Variants in PPP1R42 observed in about 807,000 individuals in gnomAD.
PPP1R42 encodes protein phosphatase 1 regulatory subunit 42.
Under a neutral mutation model 31.0 loss-of-function variants are expected in PPP1R42, and 34 were observed. The observed-to-expected ratio is 1.10, with a 90% confidence interval of 0.83 to 1.46. PPP1R42 has a LOEUF of 1.46. PPP1R42 is among the 40% of genes most tolerant of loss of function. The pLI is 0.00. For missense variants in PPP1R42, 268 were observed against 303.0 expected (o/e 0.88, Z 0.86); for synonymous variants, 103 against 109.8 (o/e 0.94, Z 0.39).
intron 2 of PPP1R42, among the ~76,000 whole-genome samples, chr8:67,016,356 C>T (rs553924333): frequency 5.9e-5 from 9 of 152,108 alleles, no homozygotes; most frequent in Admixed American, 2.0e-4. Flanking sequence ...CCTGTGTTTC[C>T]AAGAAAATTT....
At position 66,969,712 on chromosome 8, in the gene PPP1R42, T is replaced by C. The variant is rs552148898; in HGVS notation, c.803-5378A>G. ...TCGATGGGACCCTTCGAAGAGGGTG[T>C]CATGATAAGCCCACTTGACCTTCAG... On this transcript the variant is annotated intron_variant, in intron 7 of 7. Coordinates refer to ENST00000685739, the MANE Select transcript of PPP1R42 (RefSeq NM_001364910.1). Among the ~76,000 whole-genome samples, 17 of 152,248 alleles carry C rather than the reference T, an allele frequency of 1.1e-4. No homozygotes were observed. The East Asian group carries it at 2.9e-3, about 26-fold the overall frequency.
At chr8:66,972,451 A>G (rs1034237202) in intron 7 of PPP1R42, among the ~76,000 whole-genome samples, 7 of 152,078 alleles carry the variant, frequency 4.6e-5, no homozygotes, top group Admixed American at 4.6e-4. Flanking sequence ...ATGCAGTGGC[A>G]CAATCTCGGC....
intron 1 of PPP1R42, among the ~76,000 whole-genome samples, chr8:67,019,844 C>T (rs1816155619): frequency 3.3e-5 from 5 of 151,262 alleles, no homozygotes; most frequent in East Asian, 2.0e-4. Flanking sequence ...GCCGAGATCA[C>T]GCCACTGCAC....
At chr8:67,012,440 T>C (rs1815869880) in intron 4 of PPP1R42, among the ~76,000 whole-genome samples, 1 of 152,138 alleles carries the variant, frequency 6.6e-6, no homozygotes. Flanking sequence ...GGCGACACAG[T>C]TGGGGCCCCA....
At chr8:67,017,503 A>G (rs982746987) in intron 2 of PPP1R42, 116 bp downstream of exon 2, 1 of 562,146 alleles carries the variant, frequency 1.8e-6, no homozygotes, top group African/African-American at 2.0e-5. Context: ...ATCTCAAAAA[A>G]AAAAGTTAAT....
At chr8:66,999,324 G>A (rs774997076) in intron 5 of PPP1R42, among the ~76,000 whole-genome samples, 16 of 152,120 alleles carry the variant, frequency 1.1e-4, no homozygotes, top group Non-Finnish European at 1.9e-4. Context: ...GGGTTCAAGA[G>A]ATTCTCCTGC....
At chr8:66,974,145 T>C (rs185680097) in intron 7 of PPP1R42, among the ~76,000 whole-genome samples, 124 of 152,314 alleles carry the variant, frequency 8.1e-4, no homozygotes, top group Middle Eastern at 6.8e-3. Context: ...TATTTTTAAC[T>C]TTTTGAGGAA....
At chr8:67,012,900 T>C (rs1048417760) in intron 4 of PPP1R42, 58 bp downstream of exon 4, 1 of 1,476,022 alleles carries the variant, frequency 6.8e-7, no homozygotes, top group Admixed American at 2.3e-5. Flanking sequence ...ACATTCCTGT[T>C]TCATTATAAC....
rs1406991552 is a variant in PPP1R42, at chr8:66,985,764, C to T, written c.670+2636G>A. 4 of 1,251,498 alleles carry T rather than the reference C, an allele frequency of 3.2e-6. No individual in the cohort carries two copies. The Admixed American group carries it at 5.1e-5, about 16-fold the overall frequency. 77.5% of individuals were successfully genotyped at this position (1,251,498 alleles called of 1,614,324 possible). On this transcript the variant is annotated intron_variant, in intron 6 of 7. Coordinates refer to ENST00000685739, the MANE Select transcript of PPP1R42 (RefSeq NM_001364910.1). ...TAATGAAGCACAGCTGTTTTTTCCT[C>T]TCCTGGATTTGCCATTTTGCTGCGT...
intron 5 of PPP1R42, among the ~76,000 whole-genome samples, chr8:66,992,154 T>C (rs1209860649): frequency 3.3e-5 from 5 of 152,200 alleles, no homozygotes; most frequent in African/African-American, 9.7e-5. Flanking sequence ...TTTGTGATTC[T>C]ACGTTCTTGC....
At chr8:67,021,115 A>T (rs1006360854) in intron 1 of PPP1R42, 2 of 152,236 alleles carry the variant, frequency 1.3e-5, no homozygotes, top group African/African-American at 4.8e-5. Flanking sequence ...GTTTAAAATT[A>T]AACATTATTC....
At chr8:66,993,597 T>G (rs1815251885) in intron 5 of PPP1R42, among the ~76,000 whole-genome samples, 1 of 152,232 alleles carries the variant, frequency 6.6e-6, no homozygotes, top group Non-Finnish European at 1.5e-5. Context: ...TTTAGTGACC[T>G]CTCTAACTAG....
At chr8:66,986,170 A>T in intron 6 of PPP1R42, 1 of 616,488 alleles carries the variant, frequency 1.6e-6, no homozygotes, top group South Asian at 1.6e-5. Flanking sequence ...CACGCTTTTC[A>T]CTGTCTTCTC....
chr8:66,977,037 CT>C lies in PPP1R42; in HGVS notation c.802+5011del, dbSNP rs758342244. The stretch of plus-strand genomic sequence containing the variant: ...ATTTGTAGGTTTTTGTTTTGTTTTG[CT>C]TTTTTTTTTTTTTTAGACGTAGTCT... On this transcript the variant is annotated intron_variant, in intron 7 of 7. Transcript: ENST00000685739. Among the ~76,000 whole-genome samples the C allele has an allele frequency of 6.9e-3, 914 of 132,706 alleles. 8 individuals are homozygous for C. Among genetic ancestry groups the C allele is most frequent in the African/African-American group, 9.7e-3 (353 of 36,398 alleles). 87.1% of individuals were successfully genotyped at this position (132,706 alleles called of 152,430 possible). A position where few individuals can be genotyped will look rare whatever the true frequency, so the allele number is the denominator to read the frequency against.
At chr8:67,007,153 C>T (rs1184569931) in intron 5 of PPP1R42, among the ~76,000 whole-genome samples, 2 of 151,896 alleles carry the variant, frequency 1.3e-5, no homozygotes, top group Non-Finnish European at 2.9e-5. Flanking sequence ...GCAGGGATTA[C>T]AGGCGTGAGC....
intron 7 of PPP1R42, among the ~76,000 whole-genome samples, chr8:66,974,049 G>A (rs1289083434): frequency 1.3e-5 from 2 of 152,180 alleles, no homozygotes; most frequent in Non-Finnish European, 2.9e-5. Context: ...AATGAACATA[G>A]GAGTACTGAT....
chr8:66,986,614 A>G (rs979159601), intron 6 of PPP1R42, among the ~76,000 whole-genome samples: 5 of 152,326 alleles, frequency 3.3e-5, no homozygotes, highest in Middle Eastern at 3.4e-3. Context: ...CGTTTCCGTG[A>G]ACAAGTTGCT....
intron 7 of PPP1R42, 142 bp from the exon 8 acceptor site, chr8:66,964,476 G>A: frequency 3.3e-6 from 1 of 304,962 alleles, no homozygotes. Context: ...AATCTTGTCG[G>A]GCTTTAAAAA....
intron 6 of PPP1R42, chr8:66,985,046 T>C (rs1376751293): frequency 2.1e-6 from 3 of 1,433,196 alleles, no homozygotes; most frequent in Non-Finnish European, 3.0e-6. Flanking sequence ...TTGGGGATTA[T>C]GTAAGAGTCC....
Sources: allele counts gnomAD v4.1 joint callset (sites outside exome capture counted in the v4.1 genomes callset), GRCh38; gene constraint gnomAD v4.1.1; transcripts MANE v1.5; gene names NCBI Gene and HGNC (gene_info 2026-07-23, HGNC 2026-07-21).